CBLN2: variants seen among roughly 807,000 people sequenced by gnomAD.
CBLN2 encodes cerebellin-2.
CBLN2 carries 7 observed loss-of-function variants against 15.0 expected under a neutral mutation model. The ratio of observed to expected loss-of-function variants is 0.47; its 90% CI spans 0.27 to 0.88. The LOEUF (loss-of-function observed/expected upper bound fraction) is 0.88, where lower values mean the gene tolerates loss of function less well. Ranked by LOEUF, CBLN2 falls within the 40% of genes least tolerant of loss-of-function variation. The pLI is 0.14. For synonymous variants in CBLN2, 149 were observed against 135.2 expected (o/e 1.10, Z -0.71); for missense variants, 242 against 304.5 (o/e 0.79, Z 1.53).
intron 1 of CBLN2, among the ~76,000 whole-genome samples, chr18:72,607,763 T>C (rs1465767255): frequency 6.6e-6 from 1 of 152,046 alleles, no homozygotes; most frequent in African/African-American, 2.4e-5. Context: ...TTGGGTCCCT[T>C]CTTTCCTTTT....
At chr18:72,550,496 A>G (rs548600371) in intron 1 of CBLN2, among the ~76,000 whole-genome samples, 5 of 152,206 alleles carry the variant, frequency 3.3e-5, no homozygotes, top group Non-Finnish European at 5.9e-5. Flanking sequence ...GTACTATTGT[A>G]CAGAGTTTAT....
At chr18:72,541,672 A>G (rs1483426394) in intron 3 of CBLN2, 132 bp downstream of exon 3, 5 of 649,460 alleles carry the variant, frequency 7.7e-6, no homozygotes, top group African/African-American at 7.6e-5. Flanking sequence ...GGGAGGAAAG[A>G]GACTAGCAGG....
At chr18:72,602,159 A>G (rs1426492443) in intron 1 of CBLN2, among the ~76,000 whole-genome samples, 1 of 152,184 alleles carries the variant, frequency 6.6e-6, no homozygotes, top group African/African-American at 2.4e-5. Flanking sequence ...AAGTGGTGCT[A>G]GTGGGACTTT....
intron 1 of CBLN2, among the ~76,000 whole-genome samples, chr18:72,558,328 C>T (rs1182613307): frequency 6.6e-6 from 1 of 152,194 alleles, no homozygotes; most frequent in Non-Finnish European, 1.5e-5. Flanking sequence ...GGTGTTGTCA[C>T]ACATCATAGC....
intron 1 of CBLN2, among the ~76,000 whole-genome samples, chr18:72,609,867 A>G (rs1018099827): frequency 1.3e-5 from 2 of 152,130 alleles, no homozygotes; most frequent in Non-Finnish European, 2.9e-5. Flanking sequence ...ACTTCATGCC[A>G]TTGGGCACAT....
At chr18:72,577,462 A>G (rs1333678073) in intron 1 of CBLN2, among the ~76,000 whole-genome samples, 1 of 152,202 alleles carries the variant, frequency 6.6e-6, no homozygotes, top group Non-Finnish European at 1.5e-5. Flanking sequence ...AGAATCCTTA[A>G]TAAGTCCATG....
At chr18:72,596,685 A>T (rs1159995207) in intron 1 of CBLN2, among the ~76,000 whole-genome samples, 1 of 152,128 alleles carries the variant, frequency 6.6e-6, no homozygotes, top group Admixed American at 6.6e-5. Flanking sequence ...TTTTTACTGG[A>T]TGTACTATTG....
At chr18:72,635,451 C>A (rs553724881) in intron 1 of CBLN2, among the ~76,000 whole-genome samples, 2 of 152,158 alleles carry the variant, frequency 1.3e-5, no homozygotes, top group South Asian at 4.1e-4. Flanking sequence ...GAATGCCTTT[C>A]AAAGTAAAGT....
intron 1 of CBLN2, among the ~76,000 whole-genome samples, chr18:72,595,007 T>A (rs2144935124): frequency 6.6e-6 from 1 of 152,042 alleles, no homozygotes; most frequent in Admixed American, 6.5e-5. Flanking sequence ...GTATTGTGTT[T>A]TTTTTTTCAA....
At chr18:72,585,182 C>A (rs1004398035) in intron 1 of CBLN2, among the ~76,000 whole-genome samples, 1 of 152,214 alleles carries the variant, frequency 6.6e-6, no homozygotes, top group Non-Finnish European at 1.5e-5. Context: ...AGGGCTGCAG[C>A]TCTCCTCTCT....
intron 1 of CBLN2, among the ~76,000 whole-genome samples, chr18:72,601,314 A>G (rs1019687576): frequency 6.6e-6 from 1 of 152,168 alleles, no homozygotes; most frequent in East Asian, 1.9e-4. Flanking sequence ...TACTGTCACA[A>G]TTTTGCAAAG....
At chr18:72,566,514 T>C (rs1418523882) in intron 1 of CBLN2, among the ~76,000 whole-genome samples, 1 of 152,176 alleles carries the variant, frequency 6.6e-6, no homozygotes, top group Non-Finnish European at 1.5e-5. Flanking sequence ...ACAACATGGA[T>C]AAGCCTAGAA....
At chr18:72,591,352 T>A (rs549981386) in intron 1 of CBLN2, among the ~76,000 whole-genome samples, 1 of 152,266 alleles carries the variant, frequency 6.6e-6, no homozygotes, top group East Asian at 1.9e-4. Flanking sequence ...TTGCATAACT[T>A]TTTAAAAAAT....
At chr18:72,619,370 T>C (rs777461115) in intron 1 of CBLN2, 25 of 513,330 alleles carry the variant, frequency 4.9e-5, no homozygotes, top group Admixed American at 1.6e-4. Flanking sequence ...TGACAAATAC[T>C]CATGTGTATG....
intron 1 of CBLN2, among the ~76,000 whole-genome samples, chr18:72,609,678 A>T (rs9963185): frequency 0.13 from 19,132 of 152,094 alleles, 2,812 homozygotes; most frequent in African/African-American, 0.36. Context: ...GGAGGTTTCA[A>T]TTTGCCATCC....
chr18:72,598,034 C>A (rs2069524378), intron 1 of CBLN2, among the ~76,000 whole-genome samples: 1 of 152,190 alleles, frequency 6.6e-6, no homozygotes, highest in African/African-American at 2.4e-5. Context: ...GTGCTCTATA[C>A]CACCGTGGCT....
chr18:72,572,177 T>C (rs1224548147), intron 1 of CBLN2, among the ~76,000 whole-genome samples: 1 of 152,144 alleles, frequency 6.6e-6, no homozygotes, highest in Admixed American at 6.6e-5. Flanking sequence ...AAGCTCGTGG[T>C]CATTGTTGTA....
intron 1 of CBLN2, among the ~76,000 whole-genome samples, chr18:72,598,059 G>T (rs2069524598): frequency 6.6e-6 from 1 of 152,154 alleles, no homozygotes; most frequent in Non-Finnish European, 1.5e-5. Flanking sequence ...TAGTACCCAA[G>T]CTTCAAGACA....
At chr18:72,615,280 A>T (rs1159114675) in intron 1 of CBLN2, among the ~76,000 whole-genome samples, 163 of 33,488 alleles carry the variant, frequency 4.9e-3, no homozygotes, top group Middle Eastern at 0.016. Flanking sequence ...ATATATATAT[A>T]TATTTTTTTT....
Sources: gnomAD v4.1 joint callset for allele counts (sites outside exome capture counted in the v4.1 genomes callset) on GRCh38, gnomAD v4.1.1 for gene constraint, MANE v1.5 for transcripts, NCBI Gene and HGNC (gene_info 2026-07-23, HGNC 2026-07-21) for gene names.